The following CLPB variants were observed in gnomAD, a reference collection of about 807,000 sequenced individuals.
CLPB encodes ClpB family mitochondrial disaggregase, also known as mitochondrial disaggregase.
In CLPB, 40 loss-of-function variants were observed where a neutral mutation model predicts 78.4. The observed-to-expected ratio is 0.51, with a 90% CI of 0.40 to 0.66. CLPB has a LOEUF of 0.66. Ranked by LOEUF, CLPB falls within the 30% of genes least tolerant of loss-of-function variation. The pLI, the probability that CLPB is intolerant of heterozygous loss-of-function variation, is 0.00. For missense variants in CLPB, 780 were observed against 886.9 expected (o/e 0.88, Z 1.53); for synonymous variants, 333 against 348.0 (o/e 0.96, Z 0.48).
rs1185292854 is a variant in CLPB at position 72,290,939 on chromosome 11, CG to C, written c.*2427del. The C allele has an allele frequency of 6.9e-6, 1 of 144,922 alleles. No individual in the cohort carries two copies. The highest frequency in any genetic ancestry group is 1.5e-5 in the Non-Finnish European group (1 of 66,820). 9.0% of individuals were successfully genotyped at this position (144,922 alleles called of 1,614,324 possible). On this transcript the variant is annotated 3_prime_UTR_variant, in exon 16 of 16. Transcript: ENST00000538039. ...CATCCTGGGTGACAGAGCGGGACTC[CG>C]TCTCAAAAAAAAAAAAAAAACCAAA...
At chr11:72,334,596 G>T (rs960162777) in intron 5 of CLPB, among the ~76,000 whole-genome samples, 1 of 152,228 alleles carries the variant, frequency 6.6e-6, no homozygotes, top group Non-Finnish European at 1.5e-5. Flanking sequence ...AAATAACCAC[G>T]TTGGGCCTCA....
At chr11:72,300,009 C>A (rs184210106) in intron 11 of CLPB, among the ~76,000 whole-genome samples, 158 of 152,304 alleles carry the variant, frequency 1.0e-3, no homozygotes, top group African/African-American at 3.5e-3. Flanking sequence ...ATCAAACAGG[C>A]CGCGATGCTC....
intron 7 of CLPB, among the ~76,000 whole-genome samples, chr11:72,309,660 C>T (rs758597879): frequency 2.4e-4 from 37 of 152,108 alleles, no homozygotes; most frequent in South Asian, 4.1e-4. Context: ...CTAAACCTGT[C>T]GTCTTTTTTT....
intron 5 of CLPB, among the ~76,000 whole-genome samples, chr11:72,339,378 A>C (rs1019123438): frequency 6.6e-6 from 1 of 152,238 alleles, no homozygotes; most frequent in Non-Finnish European, 1.5e-5. Flanking sequence ...AAGGGCCATC[A>C]TGTTAAATTG....
intron 6 of CLPB, among the ~76,000 whole-genome samples, chr11:72,322,509 G>A (rs747547270): frequency 9.9e-5 from 15 of 152,190 alleles, no homozygotes; most frequent in African/African-American, 3.6e-4. Context: ...TTAAAGACAT[G>A]AGCCATGTGC....
At chr11:72,395,083 G>A (rs1590890431) in intron 3 of CLPB, among the ~76,000 whole-genome samples, 1 of 151,924 alleles carries the variant, frequency 6.6e-6, no homozygotes, top group Admixed American at 6.6e-5. Flanking sequence ...CTCTGAAAGG[G>A]CCTCTTTTCA....
chr11:72,414,825 C>T (rs1209376148), intron 2 of CLPB, among the ~76,000 whole-genome samples: 4 of 152,220 alleles, frequency 2.6e-5, no homozygotes, highest in African/African-American at 7.2e-5. Flanking sequence ...GCTCACATTT[C>T]TTGAGCTGCC....
chr11:72,369,238 T>A (rs1950999679), intron 4 of CLPB, among the ~76,000 whole-genome samples: 1 of 152,056 alleles, frequency 6.6e-6, no homozygotes, highest in Non-Finnish European at 1.5e-5. Flanking sequence ...ACCAAATTCA[T>A]AAGGTGGGGT....
chr11:72,345,370 G>A (rs1452752613), intron 5 of CLPB, among the ~76,000 whole-genome samples: 1 of 152,162 alleles, frequency 6.6e-6, no homozygotes, highest in Non-Finnish European at 1.5e-5. Flanking sequence ...TTTACATGAA[G>A]TGATTTTCAA....
At chr11:72,340,051 T>C (rs1269392282) in intron 5 of CLPB, among the ~76,000 whole-genome samples, 1 of 152,218 alleles carries the variant, frequency 6.6e-6, no homozygotes, top group African/African-American at 2.4e-5. Flanking sequence ...GTGGCTGTGG[T>C]GTCAGGGTGA....
chr11:72,341,348 G>A (rs1253895016), intron 5 of CLPB, among the ~76,000 whole-genome samples: 1 of 152,148 alleles, frequency 6.6e-6, no homozygotes, highest in African/African-American at 2.4e-5. Context: ...CAGAATCAGA[G>A]GAGCAAGAGG....
At chr11:72,400,475 C>T (rs1590897773) in intron 3 of CLPB, among the ~76,000 whole-genome samples, 1 of 152,168 alleles carries the variant, frequency 6.6e-6, no homozygotes, top group African/African-American at 2.4e-5. Context: ...AGAGATGTGT[C>T]CCCAAAAGCA....
At chr11:72,364,081 G>A (rs1329370207) in intron 4 of CLPB, among the ~76,000 whole-genome samples, 1 of 152,134 alleles carries the variant, frequency 6.6e-6, no homozygotes, top group Non-Finnish European at 1.5e-5. Flanking sequence ...AAAGGTCTCC[G>A]ACTTTCCAAC....
At chr11:72,377,671 G>A (rs1194183627) in intron 4 of CLPB, among the ~76,000 whole-genome samples, 4 of 149,370 alleles carry the variant, frequency 2.7e-5, no homozygotes, top group African/African-American at 7.5e-5. Context: ...AAGGGGAAGG[G>A]AAGGGGAAGG....
chr11:72,405,840 A>G (rs1009410959), intron 2 of CLPB, among the ~76,000 whole-genome samples: 3 of 152,080 alleles, frequency 2.0e-5, no homozygotes, highest in Non-Finnish European at 2.9e-5. Flanking sequence ...AGGCAGGAGA[A>G]TGGTGTGAAC....
chr11:72,331,280 T>C (rs1950220720), intron 5 of CLPB, among the ~76,000 whole-genome samples: 1 of 151,702 alleles, frequency 6.6e-6, no homozygotes, highest in Non-Finnish European at 1.5e-5. Context: ...GGTAGGTACC[T>C]GTAGTCCCAG....
At chr11:72,348,513 G>A (rs1447625534) in intron 5 of CLPB, among the ~76,000 whole-genome samples, 2 of 152,086 alleles carry the variant, frequency 1.3e-5, no homozygotes, top group African/African-American at 4.8e-5. Flanking sequence ...CACCTGAAAA[G>A]CTTCCTTCCT....
At chr11:72,350,963 C>T (rs1950603857) in intron 5 of CLPB, among the ~76,000 whole-genome samples, 1 of 152,180 alleles carries the variant, frequency 6.6e-6, no homozygotes, top group African/African-American at 2.4e-5. Context: ...TTCATCATCT[C>T]CAGAAGAAAC....
At chr11:72,297,639 GTGT>G (rs1949575806) in intron 11 of CLPB, among the ~76,000 whole-genome samples, 1 of 21,774 alleles carries the variant, frequency 4.6e-5, no homozygotes, top group Non-Finnish European at 7.3e-5. Context: ...GGGACCAGGT[GTGT>G]GTGTGTGTGT....
Sources: gnomAD v4.1 joint callset for allele counts (sites outside exome capture counted in the v4.1 genomes callset) on GRCh38, gnomAD v4.1.1 for gene constraint, MANE v1.5 for transcripts, NCBI Gene and HGNC (gene_info 2026-07-23, HGNC 2026-07-21) for gene names.